PSPC1: variants seen among roughly 807,000 people sequenced by gnomAD.
PSPC1 encodes paraspeckle protein 1.
A neutral mutation model predicts 51.6 loss-of-function variants in PSPC1; 14 were observed. That is an observed-to-expected ratio of 0.27 (90% CI 0.18 to 0.42). The LOEUF (loss-of-function observed/expected upper bound fraction) is 0.42. PSPC1 is among the 10% of genes least tolerant of loss of function. The pLI is 1.00. For synonymous variants in PSPC1, 193 were observed against 231.9 expected, an observed-to-expected ratio of 0.83 and a Z score of 1.53; for missense variants, 406 against 701.1, an observed-to-expected ratio of 0.58 and a Z score of 4.75.
At chr13:19,695,175 C>A (rs532711427) in intron 6 of PSPC1, among the ~76,000 whole-genome samples, 14 of 152,212 alleles carry the variant, frequency 9.2e-5, no homozygotes, top group African/African-American at 3.4e-4. Context: ...TCAAGTAATT[C>A]CAAAATAATT....
downstream of PSPC1, among the ~76,000 whole-genome samples, chr13:19,698,072 T>C (rs1234752168): frequency 6.6e-6 from 1 of 152,058 alleles, no homozygotes; most frequent in African/African-American, 2.4e-5. Flanking sequence ...GACAAACATA[T>C]AATGCCCTTT....
chr13:19,725,200 A>G (rs1279573287), intron 6 of PSPC1, among the ~76,000 whole-genome samples: 1 of 152,130 alleles, frequency 6.6e-6, no homozygotes, highest in East Asian at 1.9e-4. Context: ...AGATTTTAAA[A>G]TCCCAGGTGT....
chr13:19,742,035 G>A (rs572997080), intron 4 of PSPC1, among the ~76,000 whole-genome samples: 1 of 152,256 alleles, frequency 6.6e-6, no homozygotes, highest in Admixed American at 6.5e-5. Context: ...AGAAGGCTGA[G>A]GCAGGAGAAT....
At chr13:19,737,630 A>G (rs1884986718) in intron 5 of PSPC1, among the ~76,000 whole-genome samples, 1 of 152,170 alleles carries the variant, frequency 6.6e-6, no homozygotes, top group African/African-American at 2.4e-5. Context: ...TTTGTATACA[A>G]ATTTGAGACT....
rs1231933419 is a variant in PSPC1 at position 19,781,163 on chromosome 13, A to AG, written c.372+1222dup. Among the ~76,000 whole-genome samples, 8 of 148,382 alleles carry AG rather than the reference A, an allele frequency of 5.4e-5. No individual in the cohort carries two copies. In the Middle Eastern group the frequency reaches 0.011, roughly 197 times the overall value. ...CCAGTCTCAAAAAAAAAAAAAAAAA[A>AG]GGCGTAAACCTTAGCAATTTTTGTT... On this transcript the variant is annotated intron_variant, in intron 1 of 8. Transcript: ENST00000338910.
chr13:19,780,047 C>T (rs1363009085), intron 1 of PSPC1, among the ~76,000 whole-genome samples: 87 of 116,752 alleles, frequency 7.5e-4, no homozygotes, highest in South Asian at 8.9e-4. Flanking sequence ...CCGCCCCGTC[C>T]GGGAGGTGAG....
chr13:19,675,574 T>TTCA, intron 7 of PSPC1: 1 of 152,142 alleles, frequency 6.6e-6, no homozygotes, highest in East Asian at 1.9e-4. Context: ...GAGTAAGAAA[T>TTCA]TCATAAATGA....
downstream of PSPC1, chr13:19,673,235 G>C: frequency 2.4e-6 from 1 of 418,980 alleles, no homozygotes; most frequent in South Asian, 1.7e-5. Context: ...TCCTGCTTCT[G>C]TATGGCAAGC....
At chr13:19,757,305 A>T (rs1887184691) in intron 3 of PSPC1, among the ~76,000 whole-genome samples, 1 of 152,126 alleles carries the variant, frequency 6.6e-6, no homozygotes, top group Non-Finnish European at 1.5e-5. Flanking sequence ...ATGACCATGC[A>T]ACAAAGGCTC....
intron 1 of PSPC1, among the ~76,000 whole-genome samples, chr13:19,781,948 T>C (rs914890926): frequency 6.6e-6 from 1 of 152,174 alleles, no homozygotes; most frequent in African/African-American, 2.4e-5. Context: ...CCTTTCCAAA[T>C]GTACATCCAA....
chr13:19,694,710 T>G (rs1393567767), intron 6 of PSPC1, among the ~76,000 whole-genome samples: 1 of 152,194 alleles, frequency 6.6e-6, no homozygotes, highest in African/African-American at 2.4e-5. Context: ...ATCTCACTAG[T>G]CCCATTCCAA....
chr13:19,730,464 C>T (rs143706349), intron 5 of PSPC1, 120 bp from the exon 6 acceptor site: 614 of 819,684 alleles, frequency 7.5e-4, no homozygotes, highest in Admixed American at 1.8e-3. Context: ...GTAATCACGA[C>T]TGACCACGGC....
At chr13:19,719,045 T>C (rs1263262249) in intron 6 of PSPC1, among the ~76,000 whole-genome samples, 2 of 151,038 alleles carry the variant, frequency 1.3e-5, no homozygotes, top group South Asian at 2.1e-4. Flanking sequence ...CATAGGTTCA[T>C]GTCATAGATT....
chr13:19,674,306 TGAG>T (rs1230947221), downstream of PSPC1, among the ~76,000 whole-genome samples: 3 of 152,240 alleles, frequency 2.0e-5, no homozygotes, highest in African/African-American at 7.2e-5. Context: ...CAATTAGATA[TGAG>T]GAGTTTGGTT....
chr13:19,691,983 C>A (rs1039573023), intron 6 of PSPC1, among the ~76,000 whole-genome samples: 3 of 151,882 alleles, frequency 2.0e-5, no homozygotes, highest in African/African-American at 4.8e-5. Flanking sequence ...AGTGAGCAAG[C>A]GGGGAGGGAT....
chr13:19,724,301 A>G lies in PSPC1; in HGVS notation c.1158+5938T>C, dbSNP rs539920340. On this transcript the variant is annotated intron_variant, in intron 6 of 8. Transcript: ENST00000338910. ...ATAACAACAGGATCACTCTTCTCTG[A>G]CAGCATAAATTAATGGAATTTTTTT... Among the ~76,000 whole-genome samples, 24 of 152,302 alleles carry G rather than the reference A, an allele frequency of 1.6e-4. No homozygotes were observed. The South Asian group carries it at 4.4e-3, about 28-fold the overall frequency.
At chr13:19,680,180 A>T (rs1877112731) in intron 6 of PSPC1, among the ~76,000 whole-genome samples, 1 of 151,896 alleles carries the variant, frequency 6.6e-6, no homozygotes, top group Non-Finnish European at 1.5e-5. Context: ...GCGCCCAGCT[A>T]ATTTTTGTAT....
Position 19,730,946 on chromosome 13 carries a change from G to GAAAAAAAAAAAAAAAAAAAA in PSPC1, c.1053-603_1053-602insTTTTTTTTTTTTTTTTTTTT, listed in dbSNP as rs1168386647. 5.6e-4 allele frequency among the ~76,000 whole-genome samples: 14 copies of GAAAAAAAAAAAAAAAAAAAA among 25,198 alleles called. 1 individual carries two copies. Among genetic ancestry groups the GAAAAAAAAAAAAAAAAAAAA allele is most frequent in the South Asian group, 5.3e-3 (2 of 380 alleles). 16.5% of individuals were successfully genotyped at this position (25,198 alleles called of 152,430 possible). The stretch of plus-strand genomic sequence containing the variant: ...TGGGCAACAGTGAGACCCTGTCTCA[G>GAAAAAAAAAAAAAAAAAAAA]AAAAAAAAAACAAAAAAACAAAAAA... On this transcript the variant is annotated intron_variant, in intron 5 of 8. Coordinates refer to ENST00000338910, the MANE Select transcript of PSPC1 (RefSeq NM_001354909.2).
At chr13:19,770,490 T>C (rs1042385933) in intron 2 of PSPC1, among the ~76,000 whole-genome samples, 1 of 151,702 alleles carries the variant, frequency 6.6e-6, no homozygotes, top group African/African-American at 2.4e-5. Flanking sequence ...TGAAACCCCG[T>C]CTCTACAAAA....
Sources: allele counts gnomAD v4.1 joint callset (sites outside exome capture counted in the v4.1 genomes callset), GRCh38; gene constraint gnomAD v4.1.1; transcripts MANE v1.5; gene names NCBI Gene and HGNC (gene_info 2026-07-23, HGNC 2026-07-21).